MAP7: variants seen among roughly 807,000 people sequenced by gnomAD.
MAP7 encodes the protein ensconsin.
Under a neutral mutation model 94.8 loss-of-function variants are expected in MAP7, and 52 were observed. That is an observed-to-expected ratio of 0.55 (90% confidence interval 0.44 to 0.69). The LOEUF is 0.69. Ranked by LOEUF, MAP7 falls within the 30% of genes least tolerant of loss-of-function variation. MAP7 has a pLI of 0.00. For synonymous variants in MAP7, 350 were observed against 357.0 expected (o/e 0.98, Z 0.22); for missense variants, 940 against 964.6 (o/e 0.97, Z 0.34).
At chr6:136,465,257 A>G (rs539151548) in intron 1 of MAP7, among the ~76,000 whole-genome samples, 5 of 152,342 alleles carry the variant, frequency 3.3e-5, no homozygotes, top group African/African-American at 1.2e-4. Context: ...CCACTTATCT[A>G]GGAGTTTTTG....
At chr6:136,416,086 T>A (rs1033550716) in intron 2 of MAP7, among the ~76,000 whole-genome samples, 2 of 152,228 alleles carry the variant, frequency 1.3e-5, no homozygotes, top group Non-Finnish European at 2.9e-5. Flanking sequence ...TGGCTGTGCA[T>A]GGGGCTGGGG....
Position 136,372,531 on chromosome 6 carries a change from A to T in MAP7, c.846T>A (p.Ser282=), listed in dbSNP as rs1233660928. ...TGCCATGAATGATCCTCCTGCGAGA[A>T]GAGCCCTCAGGTGGTGTTACAAAGA... ...PKLFVTPPEG[S]SRRRIIHGTA... The change falls in exon 8 of 18, where the codon TCT becomes TCA. Residue 282 remains serine (S), a synonymous_variant. Coordinates refer to ENST00000354570, the MANE Select transcript of MAP7 (RefSeq NM_003980.6). 10 of 1,614,176 alleles carry T rather than the reference A, an allele frequency of 6.2e-6. No individual in the cohort carries two copies. The highest frequency in any genetic ancestry group is 8.5e-6 in the Non-Finnish European group (10 of 1,180,022).
At chr6:136,423,782 G>GTTTTTTTTTTTTTTTTTT (rs60134746) in intron 1 of MAP7, among the ~76,000 whole-genome samples, 1 of 136,142 alleles carries the variant, frequency 7.3e-6, no homozygotes. Flanking sequence ...AGGGAGTTGT[G>GTTTTTTTTTTTTTTTTTT]TTTTTTTTTT....
At chr6:136,466,978 T>G in intron 1 of MAP7, 14 of 1,214,986 alleles carry the variant, frequency 1.2e-5, no homozygotes, top group Non-Finnish European at 1.5e-5. Flanking sequence ...CGACAGCCAC[T>G]GTTTTTAAAC....
At chr6:136,478,803 A>C (rs1477018841) in intron 1 of MAP7, among the ~76,000 whole-genome samples, 1 of 151,970 alleles carries the variant, frequency 6.6e-6, no homozygotes, top group Non-Finnish European at 1.5e-5. Flanking sequence ...TAATAATAAA[A>C]AGTTTCCCAG....
intron 1 of MAP7, among the ~76,000 whole-genome samples, chr6:136,444,163 G>A (rs562305632): frequency 1.3e-5 from 2 of 152,322 alleles, no homozygotes; most frequent in South Asian, 4.1e-4. Context: ...CACAAAGCCT[G>A]TGAGAAATGA....
intron 16 of MAP7, among the ~76,000 whole-genome samples, chr6:136,347,836 C>G (rs766264537): frequency 5.9e-5 from 9 of 152,104 alleles, no homozygotes; most frequent in African/African-American, 1.4e-4. Context: ...AATGAAGATG[C>G]CTGTCCTAAG....
intron 1 of MAP7, among the ~76,000 whole-genome samples, chr6:136,524,466 A>T (rs1049920283): frequency 6.6e-6 from 1 of 152,222 alleles, no homozygotes; most frequent in Non-Finnish European, 1.5e-5. Context: ...CATCCAGAGC[A>T]ACACACTCTG....
At chr6:136,513,901 C>T (rs1823988187) in intron 1 of MAP7, among the ~76,000 whole-genome samples, 1 of 152,118 alleles carries the variant, frequency 6.6e-6, no homozygotes, top group African/African-American at 2.4e-5. Context: ...ATGTGTTTTG[C>T]AAGTGGTGGT....
intron 3 of MAP7, among the ~76,000 whole-genome samples, chr6:136,410,097 TAAAG>T (rs1403945554): frequency 6.6e-6 from 1 of 152,258 alleles, no homozygotes; most frequent in Admixed American, 6.5e-5. Flanking sequence ...TTTGTTAAGA[TAAAG>T]AAACCCAAAT....
At chr6:136,360,664 G>C (rs767399385) in intron 13 of MAP7, 33 bp downstream of exon 13, 1 of 1,597,020 alleles carries the variant, frequency 6.3e-7, no homozygotes. Flanking sequence ...GTGCAAGTTC[G>C]CGTCCCGGGC....
At position 136,512,220 on chromosome 6, in the gene MAP7, T is replaced by C. The variant is rs1364671456; in HGVS notation, c.67+38122A>G. Among the ~76,000 whole-genome samples the C allele has an allele frequency of 2.0e-5, 3 of 152,238 alleles. No homozygotes were observed. In the East Asian group the frequency reaches 5.8e-4, roughly 29 times the overall value. ...CTCTGGCTGGCAGGGCCAGAGTGTG[T>C]TGCCTCCAATCAGTTATCTTATGAG... On this transcript the variant is annotated intron_variant, in intron 1 of 17. Coordinates refer to ENST00000354570, the MANE Select transcript of MAP7 (RefSeq NM_003980.6).
chr6:136,359,905 T>A (rs1333709630), intron 14 of MAP7, 28 bp from the exon 15 acceptor site: 3 of 1,611,740 alleles, frequency 1.9e-6, no homozygotes, highest in East Asian at 2.2e-5. Context: ...AGAGGACTTT[T>A]AAAAATTAGA....
At chr6:136,483,642 G>GA (rs1813655478) in intron 1 of MAP7, among the ~76,000 whole-genome samples, 1 of 151,662 alleles carries the variant, frequency 6.6e-6, no homozygotes, top group South Asian at 2.1e-4. Context: ...AGTTAAAATG[G>GA]AAAAAAATTG....
chr6:136,505,195 T>C (rs985077117), intron 1 of MAP7, among the ~76,000 whole-genome samples: 1 of 148,948 alleles, frequency 6.7e-6, no homozygotes, highest in Non-Finnish European at 1.5e-5. Context: ...AGCCATAAAA[T>C]AGTATCTTCC....
intron 1 of MAP7, among the ~76,000 whole-genome samples, chr6:136,539,748 G>A (rs1165198121): frequency 1.3e-5 from 2 of 152,184 alleles, no homozygotes; most frequent in Non-Finnish European, 2.9e-5. Context: ...AGAGGCTGAG[G>A]CAGGAGGATT....
At chr6:136,439,628 C>T (rs1797294965) in intron 1 of MAP7, among the ~76,000 whole-genome samples, 1 of 152,130 alleles carries the variant, frequency 6.6e-6, no homozygotes, top group Middle Eastern at 3.2e-3. Context: ...CCTCTTTTTT[C>T]ATCTTACAAA....
At chr6:136,401,044 T>C (rs1783921055) in intron 3 of MAP7, among the ~76,000 whole-genome samples, 1 of 152,188 alleles carries the variant, frequency 6.6e-6, no homozygotes, top group Non-Finnish European at 1.5e-5. Flanking sequence ...GTCCCATCAA[T>C]TGTTGTATCA....
chr6:136,456,299 T>A (rs1206287804), intron 1 of MAP7, among the ~76,000 whole-genome samples: 1 of 152,060 alleles, frequency 6.6e-6, no homozygotes, highest in East Asian at 1.9e-4. Flanking sequence ...AAAACAAAAA[T>A]ACAACATGCC....
Sources: allele counts gnomAD v4.1 joint callset (sites outside exome capture counted in the v4.1 genomes callset), GRCh38; gene constraint gnomAD v4.1.1; transcripts MANE v1.5; gene names NCBI Gene and HGNC (gene_info 2026-07-23, HGNC 2026-07-21).